KAZN: variants seen among roughly 807,000 people sequenced by gnomAD.
KAZN encodes the protein kazrin, periplakin interacting protein.
A neutral mutation model predicts 87.4 loss-of-function variants in KAZN; 40 were observed. That is an observed-to-expected ratio of 0.46 (90% confidence interval 0.36 to 0.60). The LOEUF (loss-of-function observed/expected upper bound fraction) is 0.60. Among genes scored for constraint, KAZN ranks in the 20% least tolerant of loss-of-function variants. The pLI is 0.00. For missense variants in KAZN, 898 were observed against 1,073.9 expected, an observed-to-expected ratio of 0.84 and a Z score of 2.29; for synonymous variants, 466 against 458.3, an observed-to-expected ratio of 1.02 and a Z score of -0.22.
chr1:14,282,814 G>C (rs890217805), intron 2 of KAZN, among the ~76,000 whole-genome samples: 3 of 152,186 alleles, frequency 2.0e-5, no homozygotes, highest in African/African-American at 7.2e-5. Flanking sequence ...CAACCACCTA[G>C]GGATGCCGAG....
chr1:14,832,229 G>C (rs1647070170), intron 1 of KAZN, among the ~76,000 whole-genome samples: 1 of 151,180 alleles, frequency 6.6e-6, no homozygotes, highest in African/African-American at 2.4e-5. Context: ...ACACTCACAA[G>C]AGAATTTACT....
intron 1 of KAZN, among the ~76,000 whole-genome samples, chr1:14,814,931 T>A (rs1646520099): frequency 6.6e-6 from 1 of 152,204 alleles, no homozygotes; most frequent in Non-Finnish European, 1.5e-5. Context: ...TCAGGGGTCA[T>A]GTTGAGAATT....
At chr1:14,557,008 T>C (rs946952639) in intron 2 of KAZN, among the ~76,000 whole-genome samples, 4 of 151,696 alleles carry the variant, frequency 2.6e-5, no homozygotes, top group Admixed American at 1.3e-4. Context: ...GGTAGGGGAG[T>C]TTCCTGGGGA....
chr1:14,860,018 A>G lies in KAZN; in HGVS notation c.227-100666A>G, dbSNP rs79016307. On this transcript the variant is annotated intron_variant, in intron 1 of 14. Coordinates refer to ENST00000376030, the MANE Select transcript of KAZN (RefSeq NM_201628.3). ...ATGTCACTCTCACCAGTCACTTTGA[A>G]CAAGAGCAGGAAGGACCCCTGCTCC... Among the ~76,000 whole-genome samples, 1,056 of 152,214 alleles carry G rather than the reference A, an allele frequency of 6.9e-3. 20 individuals are homozygous for G. The highest frequency in any genetic ancestry group is 0.035 in the Admixed American group (531 of 15,292).
intron 2 of KAZN, among the ~76,000 whole-genome samples, chr1:14,501,060 C>A (rs932276630): frequency 1.4e-5 from 2 of 146,788 alleles, no homozygotes; most frequent in African/African-American, 5.0e-5. Context: ...TTTTTCATAA[C>A]CTAAAAAGAG....
intron 1 of KAZN, among the ~76,000 whole-genome samples, chr1:14,074,885 G>A (rs1643391188): frequency 6.6e-6 from 1 of 152,132 alleles, no homozygotes; most frequent in South Asian, 2.1e-4. Context: ...AAAGGTGTTG[G>A]ACTAGGTCAT....
chr1:15,052,329 C>T (rs755714708), intron 4 of KAZN, among the ~76,000 whole-genome samples: 25 of 152,038 alleles, frequency 1.6e-4, no homozygotes, highest in Non-Finnish European at 1.5e-4. Context: ...TGGTGGCAGG[C>T]GAGAGAGCAT....
intron 2 of KAZN, among the ~76,000 whole-genome samples, chr1:14,294,583 G>C (rs1653972489): frequency 6.6e-6 from 1 of 150,714 alleles, no homozygotes; most frequent in African/African-American, 2.4e-5. Flanking sequence ...ATTCACACCA[G>C]TCTACCTGAC....
At chr1:14,066,989 A>AC (rs1257658338) in intron 1 of KAZN, among the ~76,000 whole-genome samples, 2 of 152,012 alleles carry the variant, frequency 1.3e-5, no homozygotes, top group African/African-American at 4.8e-5. Flanking sequence ...ATCTTCCTTG[A>AC]CTACCCTATC....
intron 1 of KAZN, among the ~76,000 whole-genome samples, chr1:14,048,884 C>T (rs1043906693): frequency 1.3e-5 from 2 of 152,176 alleles, no homozygotes; most frequent in Non-Finnish European, 2.9e-5. Flanking sequence ...TACAGTCCCA[C>T]CAACAGTGTA....
At chr1:14,853,286 G>A (rs1305629716) in intron 1 of KAZN, among the ~76,000 whole-genome samples, 2 of 152,122 alleles carry the variant, frequency 1.3e-5, no homozygotes, top group African/African-American at 4.8e-5. Context: ...CACAGAGGAG[G>A]GGCTGCAGTG....
intron 2 of KAZN, among the ~76,000 whole-genome samples, chr1:14,481,528 A>G (rs1669083808): frequency 6.6e-6 from 1 of 152,184 alleles, no homozygotes; most frequent in South Asian, 2.1e-4. Flanking sequence ...CTCATACATG[A>G]TTCCTAAAAT....
At chr1:14,615,770 G>A (rs569784929) in intron 1 of KAZN, among the ~76,000 whole-genome samples, 9 of 152,352 alleles carry the variant, frequency 5.9e-5, no homozygotes, top group Non-Finnish European at 8.8e-5. Flanking sequence ...GGGAAGTGGC[G>A]TAGGAACTGA....
intron 1 of KAZN, among the ~76,000 whole-genome samples, chr1:14,660,541 CTTTTTTTT>C (rs1156503750): frequency 2.6e-5 from 2 of 76,006 alleles, no homozygotes; most frequent in Admixed American, 1.9e-4. Context: ...CTCTCTCTCT[CTTTTTTTT>C]TTTTTTTTTT....
At chr1:14,858,209 CTTTTCT>C (rs1650383854) in intron 1 of KAZN, among the ~76,000 whole-genome samples, 2 of 115,892 alleles carry the variant, frequency 1.7e-5, no homozygotes, top group South Asian at 2.6e-4. Flanking sequence ...TTTTCTTTTT[CTTTTCT>C]TTTTTTTTTT....
At chr1:14,239,657 T>C (rs1648761397) in intron 2 of KAZN, among the ~76,000 whole-genome samples, 1 of 151,664 alleles carries the variant, frequency 6.6e-6, no homozygotes, top group Admixed American at 6.6e-5. Context: ...ACAGGGTTTC[T>C]CCATGTTGGT....
chr1:14,832,032 A>C (rs1647063408), intron 1 of KAZN, among the ~76,000 whole-genome samples: 1 of 152,012 alleles, frequency 6.6e-6, no homozygotes, highest in Admixed American at 6.6e-5. Context: ...CCATCTCTAT[A>C]AAAGTACAAA....
chr1:14,925,504 G>A (rs984457271), intron 1 of KAZN, among the ~76,000 whole-genome samples: 1 of 152,164 alleles, frequency 6.6e-6, no homozygotes, highest in Non-Finnish European at 1.5e-5. Context: ...TGGGAGTGAG[G>A]CTGTGTTATC....
At chr1:15,061,972 C>G (rs1638834280) in intron 6 of KAZN, 1 of 152,246 alleles carries the variant, frequency 6.6e-6, no homozygotes, top group Non-Finnish European at 1.5e-5. Context: ...ATTCCCTGAT[C>G]CTGAAGGACC....
Sources: gnomAD v4.1 joint callset for allele counts (sites outside exome capture counted in the v4.1 genomes callset) on GRCh38, gnomAD v4.1.1 for gene constraint, MANE v1.5 for transcripts, NCBI Gene and HGNC (gene_info 2026-07-23, HGNC 2026-07-21) for gene names.